Variants in DMD observed in about 807,000 individuals in gnomAD.
The protein encoded by DMD is dystrophin.
DMD carries 63 observed loss-of-function variants against 330.1 expected under a neutral mutation model. The ratio of observed to expected loss-of-function variants is 0.19; its 90% confidence interval spans 0.16 to 0.24. DMD has a LOEUF of 0.24. Among genes scored for constraint, DMD ranks in the 10% least tolerant of loss-of-function variants. The probability of loss-of-function intolerance (pLI) is 1.00; values close to 1 mark genes in which losing one functional copy is unlikely to be tolerated. For missense variants in DMD, 3,344 were observed against 2,684.1 expected (o/e 1.25, Z -5.43); for synonymous variants, 1,223 against 959.8 (o/e 1.27, Z -5.07).
intron 7 of DMD, among the ~76,000 whole-genome samples, chrX:32,782,488 A>G (rs1016518933): frequency 1.8e-5 from 2 of 111,493 alleles, no homozygotes; most frequent in African/African-American, 6.5e-5. Flanking sequence ...ATCATGCTAG[A>G]TGATTGTGTG....
intron 4 of DMD, among the ~76,000 whole-genome samples, chrX:32,826,186 G>A (rs2078678991): frequency 9.0e-6 from 1 of 111,362 alleles, no homozygotes; most frequent in Admixed American, 9.6e-5. Flanking sequence ...AAAGACAAAA[G>A]GTAAGTTGTG....
At chrX:31,350,650 AGAGAG>A (rs1192904093) in intron 60 of DMD, among the ~76,000 whole-genome samples, 4 of 102,095 alleles carry the variant, frequency 3.9e-5, no homozygotes, top group African/African-American at 7.3e-5. Context: ...AGAGAGAGAG[AGAGAG>A]AGAGAAGAGA....
intron 23 of DMD, among the ~76,000 whole-genome samples, chrX:32,466,134 T>C (rs182825708): frequency 3.6e-5 from 4 of 111,564 alleles, no homozygotes; most frequent in African/African-American, 6.5e-5. Flanking sequence ...AAAACTCAGA[T>C]TGTAAAACAT....
At position 32,571,528 on chromosome X, in the gene DMD, G is replaced by A. The variant is rs149604300; in HGVS notation, c.1812+2002C>T. Among the ~76,000 whole-genome samples, 617 of 111,234 alleles carry A rather than the reference G, an allele frequency of 5.5e-3. 2 individuals are homozygous for A. Among genetic ancestry groups the A allele is most frequent in the African/African-American group, 0.018 (549 of 30,624 alleles). On this transcript the variant is annotated intron_variant, in intron 15 of 78. Coordinates refer to ENST00000357033, the MANE Select transcript of DMD (RefSeq NM_004006.3). Reference sequence around the variant, plus strand: ...AGACATTCCTCCCTGAAATCTATTCGTTTCACTTAATGTGTCACTCTACAC... The same window carrying A: ...AGACATTCCTCCCTGAAATCTATTCATTTCACTTAATGTGTCACTCTACAC...
chrX:32,721,424 T>C (rs1382801513), intron 7 of DMD, among the ~76,000 whole-genome samples: 3 of 110,447 alleles, frequency 2.7e-5, no homozygotes, highest in Non-Finnish European at 5.7e-5. Flanking sequence ...TAATACCTTA[T>C]TATGATTTTG....
At chrX:32,324,846 T>C (rs1234903660) in intron 41 of DMD, among the ~76,000 whole-genome samples, 5 of 111,843 alleles carry the variant, frequency 4.5e-5, no homozygotes, top group Non-Finnish European at 9.4e-5. Context: ...TTCTCCTATT[T>C]ACTTGGGACA....
At chrX:33,086,369 TA>T (rs748421756) in intron 1 of DMD, among the ~76,000 whole-genome samples, 1 of 111,682 alleles carries the variant, frequency 9.0e-6, no homozygotes, top group South Asian at 3.7e-4. Flanking sequence ...ACTATGTAAT[TA>T]AAAAAAATAA....
chrX:31,427,823 T>A (rs2063798431), intron 60 of DMD, among the ~76,000 whole-genome samples: 1 of 111,763 alleles, frequency 8.9e-6, no homozygotes, highest in Non-Finnish European at 1.9e-5. Context: ...TCTAGTCATC[T>A]CTAAGAGATT....
chrX:32,616,690 CTTTTTTTTTT>C (rs1173392895), intron 11 of DMD, among the ~76,000 whole-genome samples: 4 of 60,223 alleles, frequency 6.6e-5, no homozygotes, highest in Admixed American at 2.2e-4. Flanking sequence ...GTTCTGGTTC[CTTTTTTTTTT>C]TTTTTTTTTT....
intron 60 of DMD, among the ~76,000 whole-genome samples, chrX:31,367,332 G>A (rs750017966): frequency 6.3e-5 from 7 of 111,223 alleles, no homozygotes; most frequent in South Asian, 3.8e-4. Context: ...ATTTTTGGGG[G>A]CCTTTAATGA....
At chrX:32,615,742 G>A (rs1042347159) in intron 11 of DMD, among the ~76,000 whole-genome samples, 5 of 110,816 alleles carry the variant, frequency 4.5e-5, no homozygotes, top group African/African-American at 1.6e-4. Flanking sequence ...TTAGATTCAC[G>A]AAAAATTAAT....
intron 44 of DMD, among the ~76,000 whole-genome samples, chrX:32,212,219 C>T (rs2097096196): frequency 1.8e-5 from 2 of 111,897 alleles, no homozygotes; most frequent in South Asian, 7.4e-4. Context: ...TCCTCAATTC[C>T]TAATCCAAGA....
At chrX:32,860,545 C>G (rs1208972946) in intron 2 of DMD, among the ~76,000 whole-genome samples, 1 of 110,242 alleles carries the variant, frequency 9.1e-6, no homozygotes, top group East Asian at 2.8e-4. Context: ...ATAAGGCAAC[C>G]CATTTTCATG....
chrX:31,506,251 C>T (rs753207656), intron 56 of DMD, among the ~76,000 whole-genome samples: 1 of 111,227 alleles, frequency 9.0e-6, no homozygotes, highest in Non-Finnish European at 1.9e-5. Context: ...AAATTTTGGA[C>T]AAGTTAGAAG....
chrX:31,421,384 C>T (rs182955355), intron 60 of DMD, among the ~76,000 whole-genome samples: 31 of 111,579 alleles, frequency 2.8e-4, no homozygotes, highest in Admixed American at 1.9e-3. Context: ...TGGGAAAATG[C>T]GAGAACTTTA....
Position 33,029,853 on chromosome X carries a change from C to T in DMD, c.32-9653G>A, listed in dbSNP as rs191230849. Among the ~76,000 whole-genome samples, 12 of 111,757 alleles carry T rather than the reference C, an allele frequency of 1.1e-4. No individual in the cohort carries two copies. The East Asian group carries it at 2.8e-3, about 26-fold the overall frequency. On this transcript the variant is annotated intron_variant, in intron 1 of 78. Coordinates refer to ENST00000357033, the MANE Select transcript of DMD (RefSeq NM_004006.3). ...AGTATATGAAAAGGTGTTAAGTGGT[C>T]TCAGTTGGAAAAACAGTGCCATCTG...
At chrX:32,129,030 A>G (rs1168757076) in intron 44 of DMD, among the ~76,000 whole-genome samples, 2 of 111,586 alleles carry the variant, frequency 1.8e-5, no homozygotes, top group Non-Finnish European at 3.8e-5. Context: ...CTTAGCCAAA[A>G]ATTAAATACC....
intron 71 of DMD, among the ~76,000 whole-genome samples, chrX:31,175,001 T>G (rs776747222): frequency 1.8e-5 from 2 of 111,611 alleles, no homozygotes; most frequent in South Asian, 7.4e-4. Flanking sequence ...GATCCAAAGA[T>G]TTCCATGTGA....
intron 1 of DMD, among the ~76,000 whole-genome samples, chrX:33,048,220 G>T (rs925448333): frequency 9.0e-6 from 1 of 111,457 alleles, no homozygotes; most frequent in African/African-American, 3.3e-5. Flanking sequence ...TCAGGCAAAC[G>T]GAAACTGCAT....
Sources: allele counts gnomAD v4.1 joint callset (sites outside exome capture counted in the v4.1 genomes callset), GRCh38; gene constraint gnomAD v4.1.1; transcripts MANE v1.5; gene names NCBI Gene and HGNC (gene_info 2026-07-23, HGNC 2026-07-21).